Variants in NBPF15 observed in about 807,000 individuals in gnomAD.
NBPF15 encodes NBPF family member NBPF15.
A neutral mutation model predicts 62.2 loss-of-function variants in NBPF15; 74 were observed. That is an observed-to-expected ratio of 1.19 (90% CI 0.99 to 1.44). The LOEUF (loss-of-function observed/expected upper bound fraction) is 1.44. Ranked by LOEUF, NBPF15 falls within the 40% of genes most tolerant of loss-of-function variation. The pLI, the probability that NBPF15 is intolerant of heterozygous loss-of-function variation, is 0.00. For synonymous variants in NBPF15, 244 were observed against 209.7 expected (o/e 1.16, Z -1.41); for missense variants, 790 against 550.0 (o/e 1.44, Z -4.36).
At chr1:144,436,349 C>T (rs1225468322) in intron 10 of NBPF15, among the ~76,000 whole-genome samples, 2 of 151,950 alleles carry the variant, frequency 1.3e-5, no homozygotes, top group Non-Finnish European at 2.9e-5. Flanking sequence ...GAAGCACTTC[C>T]TACCACAAAA....
intron 4 of NBPF15, among the ~76,000 whole-genome samples, chr1:144,455,922 C>A (rs1168752157): frequency 6.6e-6 from 1 of 152,044 alleles, no homozygotes; most frequent in Non-Finnish European, 1.5e-5. Flanking sequence ...CCTGGGGAAC[C>A]AAGAATTCCA....
intron 6 of NBPF15, among the ~76,000 whole-genome samples, chr1:144,445,270 GTATATATATA>G (rs59434439): frequency 4.8e-5 from 5 of 105,014 alleles, no homozygotes; most frequent in Admixed American, 2.0e-4. Context: ...GTCTGTATAT[GTATATATATA>G]TATATATATA....
chr1:144,440,255 T>A lies in NBPF15; in HGVS notation c.-150A>T, dbSNP rs1203634671. On this transcript the variant is annotated 5_prime_UTR_variant, in exon 7 of 22. Coordinates refer to ENST00000581897, the MANE Select transcript of NBPF15 (RefSeq NM_001385408.1). ...GCACTGTCAGTAGCGCAGACTCTGATAAGAGTGAGGTAGATTGTGGCCAGC... is the reference window on the plus strand; with the variant it reads ...GCACTGTCAGTAGCGCAGACTCTGAAAAGAGTGAGGTAGATTGTGGCCAGC... 6.7e-5 allele frequency: 102 copies of A among 1,511,882 alleles called. 2 individuals are homozygous for A. The highest frequency in any genetic ancestry group is 8.2e-5 in the Non-Finnish European group (92 of 1,127,244). 93.7% of individuals were successfully genotyped at this position (1,511,882 alleles called of 1,614,324 possible).
chr1:144,436,476 T>G (rs1185362023), intron 10 of NBPF15, among the ~76,000 whole-genome samples: 3 of 151,854 alleles, frequency 2.0e-5, no homozygotes, highest in Non-Finnish European at 4.4e-5. Flanking sequence ...AAGAGACAAT[T>G]TGTCTGCCAC....
intron 4 of NBPF15, among the ~76,000 whole-genome samples, chr1:144,452,272 A>G (rs1691669121): frequency 6.6e-6 from 1 of 152,022 alleles, no homozygotes; most frequent in African/African-American, 2.4e-5. Flanking sequence ...TGCTCACCAG[A>G]CAAGGTTTGG....
chr1:144,423,853 C>A lies in NBPF15; in HGVS notation c.1769+17G>T, dbSNP rs1553538755. On this transcript the variant is annotated intron_variant, in intron 21 of 21. Coordinates refer to ENST00000581897, the MANE Select transcript of NBPF15 (RefSeq NM_001385408.1). ...GTGTTAACACAGAATTAAGCATCCACAATTGCTGAAAGTTACCTGGGGCAT... is the reference window on the plus strand; with the variant it reads ...GTGTTAACACAGAATTAAGCATCCAAAATTGCTGAAAGTTACCTGGGGCAT... 1.6e-5 allele frequency: 12 copies of A among 763,956 alleles called. No homozygotes were observed. The highest frequency in any genetic ancestry group is 2.7e-5 in the South Asian group (2 of 74,506). 47.3% of individuals were successfully genotyped at this position (763,956 alleles called of 1,614,324 possible). A position where few individuals can be genotyped will look rare whatever the true frequency, so the allele number is the denominator to read the frequency against.
rs1173924477 is a variant in NBPF15, at chr1:144,422,968, G to A, written c.*45C>T. On this transcript the variant is annotated 3_prime_UTR_variant, in exon 22 of 22. Coordinates refer to ENST00000581897, the MANE Select transcript of NBPF15 (RefSeq NM_001385408.1). ...TCATTCAAATCTTCTCGTGCCTATAGGTCCTGCCTGCAGGAATGACATCTC... is the reference window on the plus strand; with the variant it reads ...TCATTCAAATCTTCTCGTGCCTATAAGTCCTGCCTGCAGGAATGACATCTC... 1.2e-6 allele frequency: 2 copies of A among 1,611,612 alleles called. No homozygotes were observed. Among genetic ancestry groups the A allele is most frequent in the Admixed American group, 1.7e-5 (1 of 59,978 alleles).
chr1:144,434,951 C>T (rs1439355880), intron 12 of NBPF15, among the ~76,000 whole-genome samples, 160 bp downstream of exon 12: 1 of 152,006 alleles, frequency 6.6e-6, no homozygotes, highest in Non-Finnish European at 1.5e-5. Flanking sequence ...CAGACAAAGG[C>T]ATGACATTAG....
chr1:144,459,619 GA>G (rs1318357950), intron 2 of NBPF15, 136 bp from the exon 3 acceptor site: 1 of 151,784 alleles, frequency 6.6e-6, no homozygotes, highest in African/African-American at 2.4e-5. Context: ...CACATAACCA[GA>G]AAAAAGTATT....
chr1:144,449,469 A>T (rs1451440478), intron 5 of NBPF15, among the ~76,000 whole-genome samples: 4 of 150,142 alleles, frequency 2.7e-5, no homozygotes, highest in Admixed American at 6.6e-5. Flanking sequence ...TGGATCAATA[A>T]ACTGTGATAC....
chr1:144,448,433 C>T (rs1689081343), intron 6 of NBPF15, among the ~76,000 whole-genome samples: 2 of 151,962 alleles, frequency 1.3e-5, no homozygotes, highest in African/African-American at 4.8e-5. Flanking sequence ...GTTTCATGGC[C>T]ACCTGTTTGC....
At chr1:144,428,091 A>G (rs1671164714) in intron 15 of NBPF15, 101 bp from the exon 16 acceptor site, 1 of 734,762 alleles carries the variant, frequency 1.4e-6, no homozygotes, top group Non-Finnish European at 2.5e-6. Context: ...TTTGAAAAGA[A>G]AAAGGACAGA....
chr1:144,427,603 G>C (rs1180286772), intron 16 of NBPF15, among the ~76,000 whole-genome samples: 6 of 145,926 alleles, frequency 4.1e-5, no homozygotes, highest in Non-Finnish European at 5.9e-5. Context: ...GGCGCCACAG[G>C]CATGGCCTGA....
intron 20 of NBPF15, 101 bp from the exon 21 acceptor site, chr1:144,424,076 C>T: frequency 1.3e-6 from 1 of 757,570 alleles, no homozygotes; most frequent in Non-Finnish European, 2.4e-6. Context: ...GGCTCCTCAG[C>T]ATAAGAATAC....
At chr1:144,441,624 CT>C (rs1344748305) in intron 6 of NBPF15, among the ~76,000 whole-genome samples, 1 of 148,888 alleles carries the variant, frequency 6.7e-6, no homozygotes, top group Non-Finnish European at 1.5e-5. Flanking sequence ...TAAGGAGAAG[CT>C]TTTTAAAAAT....
chr1:144,437,961 G>C lies in NBPF15; in HGVS notation c.262C>G (p.Gln88Glu). 1 of 1,611,928 alleles carries C rather than the reference G, an allele frequency of 6.2e-7. No homozygotes were observed. The change falls in exon 9 of 22, where the codon CAA becomes GAA. Residue 88 changes from glutamine (Q) to glutamate (E), a missense_variant. Coordinates refer to ENST00000581897, the MANE Select transcript of NBPF15 (RefSeq NM_001385408.1). ...TCCCCTCACCTGAGCTCCTCAGCTT[G>C]CTTGAGCTGCTCTGCAAGCTTCTCC... ...KEEKLAEQLK[Q>E]AEELRQYKVL...
At chr1:144,427,309 G>T (rs1342478957) in intron 16 of NBPF15, among the ~76,000 whole-genome samples, 3 of 129,662 alleles carry the variant, frequency 2.3e-5, no homozygotes, top group African/African-American at 9.2e-5. Context: ...CCCTATTCTG[G>T]TAGATCGTTA....
chr1:144,451,095 G>A (rs1190062160), intron 4 of NBPF15, among the ~76,000 whole-genome samples: 46 of 151,940 alleles, frequency 3.0e-4, no homozygotes, highest in Admixed American at 3.9e-4. Flanking sequence ...GGGCATTTCC[G>A]GAGAGGGGGA....
rs587756393 is a variant in NBPF15 at position 144,426,190 on chromosome 1, G to A, written c.1438+88C>T. 1.4e-4 allele frequency: 86 copies of A among 628,158 alleles called. 2 individuals carry two copies. Among genetic ancestry groups the A allele is most frequent in the African/African-American group, 1.1e-3 (41 of 37,388 alleles). 38.9% of individuals were successfully genotyped at this position (628,158 alleles called of 1,614,324 possible). ...CCTGCCTGCGGCAATGACATCTCTC[G>A]GGTCAGTAAGGGCCACTTGGAACAG... On this transcript the variant is annotated intron_variant, in intron 18 of 21. Coordinates refer to ENST00000581897, the MANE Select transcript of NBPF15 (RefSeq NM_001385408.1).
Sources: allele counts gnomAD v4.1 joint callset (sites outside exome capture counted in the v4.1 genomes callset), GRCh38; gene constraint gnomAD v4.1.1; transcripts MANE v1.5; gene names NCBI Gene and HGNC (gene_info 2026-07-23, HGNC 2026-07-21).